The following TLK1 variants were observed in gnomAD, a reference collection of about 807,000 sequenced individuals.
TLK1 encodes the protein tousled like kinase 1.
A neutral mutation model predicts 105.3 loss-of-function variants in TLK1; 24 were observed. That is an observed-to-expected ratio of 0.23 (90% CI 0.17 to 0.32). The LOEUF (loss-of-function observed/expected upper bound fraction) is 0.32. Ranked by LOEUF, TLK1 falls within the 10% of genes least tolerant of loss-of-function variation. TLK1 has a pLI of 1.00. For synonymous variants in TLK1, 321 were observed against 310.4 expected (o/e 1.03, Z -0.36); for missense variants, 558 against 910.5 (o/e 0.61, Z 4.98).
intron 1 of TLK1, among the ~76,000 whole-genome samples, chr2:171,197,914 G>A (rs1693306103): frequency 6.6e-6 from 1 of 152,092 alleles, no homozygotes; most frequent in Non-Finnish European, 1.5e-5. Flanking sequence ...CTGCATTTTT[G>A]GCTAGTACCC....
chr2:171,010,721 T>C (rs1416415496), intron 14 of TLK1, among the ~76,000 whole-genome samples: 1 of 151,968 alleles, frequency 6.6e-6, no homozygotes. Flanking sequence ...TTGACATAGG[T>C]AGAAATTTGG....
chr2:171,208,535 A>G (rs910902743), intron 1 of TLK1, among the ~76,000 whole-genome samples: 17 of 152,216 alleles, frequency 1.1e-4, no homozygotes, highest in African/African-American at 3.9e-4. Flanking sequence ...TCAAAATAGT[A>G]CAGATCAAAA....
At chr2:171,054,519 T>C (rs1687402533) in intron 7 of TLK1, 1 of 152,342 alleles carries the variant, frequency 6.6e-6, no homozygotes, top group Non-Finnish European at 1.5e-5. Context: ...CACAACAGTT[T>C]GGATATGACC....
At chr2:171,080,128 C>T (rs1428670276) in intron 3 of TLK1, among the ~76,000 whole-genome samples, 4 of 146,270 alleles carry the variant, frequency 2.7e-5, no homozygotes, top group Admixed American at 2.1e-4. Flanking sequence ...ACCTGGGAGG[C>T]GGAGTTTGCA....
At chr2:171,103,776 T>C (rs774735369) in intron 2 of TLK1, among the ~76,000 whole-genome samples, 6 of 152,206 alleles carry the variant, frequency 3.9e-5, no homozygotes, top group Non-Finnish European at 7.4e-5. Flanking sequence ...TTTGTTGAAT[T>C]ACATTTCTTT....
At position 171,006,280 on chromosome 2, in the gene TLK1, T is replaced by C; in HGVS notation, c.1771A>G (p.Asn591Asp). The stretch of plus-strand genomic sequence containing the variant: ...GCTGTTCCATCTACCAGTAGGATGT[T>C]TCCTAAGAATAAAATATAAGATTCT... The part of the protein sequence containing the change: ...PIIHYDLKPG[N>D]ILLVDGTACG... Residue 591 changes from asparagine to aspartate, a missense_variant and splice_region_variant, in exon 18 of 21, where the codon AAC becomes GAC. Asn to Asp is a conservative substitution (Grantham distance 23). Transcript: ENST00000431350. 1 of 1,585,094 alleles carries C rather than the reference T, an allele frequency of 6.3e-7. No individual in the cohort carries two copies. Among genetic ancestry groups the C allele is most frequent in the Non-Finnish European group, 8.5e-7 (1 of 1,171,344 alleles).
At chr2:171,080,050 G>C (rs111625370) in intron 3 of TLK1, among the ~76,000 whole-genome samples, 6 of 151,906 alleles carry the variant, frequency 3.9e-5, no homozygotes, top group African/African-American at 1.4e-4. Flanking sequence ...GTAATAAACT[G>C]TCTGGGCACG....
intron 18 of TLK1, among the ~76,000 whole-genome samples, chr2:170,999,231 T>TA (rs77421025): frequency 1.3e-5 from 2 of 151,968 alleles, no homozygotes; most frequent in Admixed American, 6.6e-5. Flanking sequence ...CTATTTTTTT[T>TA]AAAAAATGCA....
At chr2:171,188,669 T>C (rs1434081845) in intron 1 of TLK1, among the ~76,000 whole-genome samples, 2 of 145,550 alleles carry the variant, frequency 1.4e-5, no homozygotes, top group Non-Finnish European at 3.0e-5. Context: ...ATTGTGCCAT[T>C]GCACTCCAGC....
intron 3 of TLK1, among the ~76,000 whole-genome samples, chr2:171,067,407 C>T (rs1394297048): frequency 1.3e-5 from 2 of 151,764 alleles, no homozygotes; most frequent in South Asian, 2.1e-4. Context: ...GTGATCCACC[C>T]GCCTCGGCCT....
intron 12 of TLK1, among the ~76,000 whole-genome samples, chr2:171,018,602 T>C (rs1297572542): frequency 6.6e-6 from 1 of 152,198 alleles, no homozygotes; most frequent in Non-Finnish European, 1.5e-5. Context: ...CAGGATTAAC[T>C]AGGCTCACAA....
chr2:171,020,296 C>T (rs1685429093), intron 12 of TLK1, among the ~76,000 whole-genome samples: 2 of 151,832 alleles, frequency 1.3e-5, no homozygotes, highest in South Asian at 4.2e-4. Context: ...AATCCCAGCA[C>T]TTCAGGAGGC....
intron 1 of TLK1, among the ~76,000 whole-genome samples, chr2:171,124,158 A>G (rs571388376): frequency 3.9e-5 from 6 of 152,342 alleles, no homozygotes; most frequent in Admixed American, 3.9e-4. Flanking sequence ...AGACTAGAAA[A>G]TACGTCCACT....
rs188858046 is a variant in TLK1 at position 171,134,345 on chromosome 2, T to C, written c.140-16488A>G. ...TGTTCTCCTCATTCTTGCAATATAT[T>C]ACCTTTGTAAGTAAGGATTAAATTA... is the stretch of plus-strand genomic sequence containing the variant. On this transcript the variant is annotated intron_variant, in intron 1 of 20. Coordinates refer to ENST00000431350, the MANE Select transcript of TLK1 (RefSeq NM_012290.5). 2.5e-3 allele frequency among the ~76,000 whole-genome samples: 375 copies of C among 152,322 alleles called. 3 individuals are homozygous for C. Among genetic ancestry groups the C allele is most frequent in the African/African-American group, 8.5e-3 (353 of 41,566 alleles).
chr2:171,059,736 A>T (rs1008021385), intron 4 of TLK1, among the ~76,000 whole-genome samples: 1 of 152,024 alleles, frequency 6.6e-6, no homozygotes, highest in Non-Finnish European at 1.5e-5. Context: ...AGTAGGGGAG[A>T]TGGTTTTGGG....
chr2:171,092,236 G>GA (rs1020982963), intron 2 of TLK1, among the ~76,000 whole-genome samples: 14 of 151,652 alleles, frequency 9.2e-5, no homozygotes, highest in Admixed American at 2.6e-4. Context: ...TTCTGCCAAA[G>GA]AAAAAAAATC....
At chr2:171,012,669 G>A (rs1015741237) in intron 13 of TLK1, among the ~76,000 whole-genome samples, 2 of 152,054 alleles carry the variant, frequency 1.3e-5, no homozygotes, top group African/African-American at 4.8e-5. Context: ...AATAAAGACG[G>A]GGTTTCACCA....
intron 1 of TLK1, among the ~76,000 whole-genome samples, chr2:171,217,641 C>T (rs1575662818): frequency 6.6e-6 from 1 of 152,152 alleles, no homozygotes. Context: ...TCTGAACATG[C>T]TTCAGACATT....
At chr2:171,017,604 CAAAAT>C (rs1262783998) in intron 12 of TLK1, among the ~76,000 whole-genome samples, 1 of 152,006 alleles carries the variant, frequency 6.6e-6, no homozygotes, top group East Asian at 1.9e-4. Flanking sequence ...ATCAATATTA[CAAAAT>C]AAATACTTGT....
Sources: gnomAD v4.1 joint callset for allele counts (sites outside exome capture counted in the v4.1 genomes callset) on GRCh38, gnomAD v4.1.1 for gene constraint, MANE v1.5 for transcripts, NCBI Gene and HGNC (gene_info 2026-07-23, HGNC 2026-07-21) for gene names.